GPATCH2: variants seen among roughly 807,000 people sequenced by gnomAD.
GPATCH2 encodes the protein G-patch domain containing 2.
GPATCH2 carries 51 observed loss-of-function variants against 58.0 expected under a neutral mutation model. The observed-to-expected ratio is 0.88, with a 90% confidence interval of 0.70 to 1.11. GPATCH2 has a LOEUF of 1.11. GPATCH2 is among the 50% of genes most tolerant of loss of function. The probability of loss-of-function intolerance (pLI) is 0.00; values close to 1 mark genes in which losing one functional copy is unlikely to be tolerated. For synonymous variants in GPATCH2, 222 were observed against 218.5 expected, an observed-to-expected ratio of 1.02 and a Z score of -0.14; for missense variants, 625 against 652.2, an observed-to-expected ratio of 0.96 and a Z score of 0.45.
chr1:217,461,986 C>T (rs1475740258), intron 8 of GPATCH2, among the ~76,000 whole-genome samples: 4 of 152,120 alleles, frequency 2.6e-5, no homozygotes, highest in African/African-American at 9.7e-5. Context: ...AGTACGTGAA[C>T]ATTAATGTTC....
chr1:217,568,170 T>C (rs73105652), intron 5 of GPATCH2, among the ~76,000 whole-genome samples: 5,098 of 152,180 alleles, frequency 0.033, 283 homozygotes, highest in African/African-American at 0.11. Context: ...TATAACAGTA[T>C]AAAAGTGAAA....
intron 5 of GPATCH2, among the ~76,000 whole-genome samples, chr1:217,537,149 C>G (rs1194949906): frequency 6.6e-6 from 1 of 152,192 alleles, no homozygotes; most frequent in Non-Finnish European, 1.5e-5. Context: ...CATTTTCATA[C>G]AGATTAGAAA....
chr1:217,599,947 TC>T lies in GPATCH2; in HGVS notation c.1098+10373del, dbSNP rs201360941. On this transcript the variant is annotated intron_variant, in intron 5 of 9. Transcript: ENST00000366935. ...AAGAACAGTTTCTAGATTGAATACT[TC>T]AAAATCGATTCAAATCTAAAACACC... is the stretch of plus-strand genomic sequence containing the variant. Among the ~76,000 whole-genome samples the T allele has an allele frequency of 8.8e-3, 1,340 of 152,244 alleles. 4 individuals carry two copies. Among genetic ancestry groups the T allele is most frequent in the Non-Finnish European group, 0.014 (954 of 67,994 alleles).
intron 2 of GPATCH2, among the ~76,000 whole-genome samples, chr1:217,617,296 C>T (rs548777203): frequency 6.6e-6 from 1 of 152,202 alleles, no homozygotes; most frequent in African/African-American, 2.4e-5. Flanking sequence ...TGCCATTTCC[C>T]TCTCTTCTCT....
intron 8 of GPATCH2, among the ~76,000 whole-genome samples, chr1:217,486,260 A>G (rs1485229792): frequency 6.6e-6 from 1 of 152,136 alleles, no homozygotes; most frequent in African/African-American, 2.4e-5. Flanking sequence ...ATATCTTCCT[A>G]TATCTATTTT....
chr1:217,530,840 G>A (rs1664150666), intron 5 of GPATCH2, among the ~76,000 whole-genome samples: 1 of 152,086 alleles, frequency 6.6e-6, no homozygotes, highest in Non-Finnish European at 1.5e-5. Flanking sequence ...TTTTCAATTA[G>A]TGTAAAGGTC....
intron 5 of GPATCH2, among the ~76,000 whole-genome samples, chr1:217,574,175 AAG>A (rs1666699533): frequency 3.3e-5 from 5 of 152,346 alleles, no homozygotes. Flanking sequence ...ATAGAAAAAT[AAG>A]AGAAATACAG....
At chr1:217,610,822 C>T in intron 4 of GPATCH2, 67 bp downstream of exon 4, 1 of 1,097,442 alleles carries the variant, frequency 9.1e-7, no homozygotes, top group Non-Finnish European at 1.3e-6. Flanking sequence ...ATCTTATCCT[C>T]CTTGAATGAA....
At chr1:217,449,372 G>A (rs1162099881) in intron 8 of GPATCH2, 35 bp from the exon 9 acceptor site, 3 of 1,279,292 alleles carry the variant, frequency 2.3e-6, no homozygotes, top group African/African-American at 1.5e-5. Flanking sequence ...TATTAACAAA[G>A]AAGAAAAAAT....
chr1:217,524,824 T>C (rs1296078020), intron 5 of GPATCH2, among the ~76,000 whole-genome samples: 1 of 104,136 alleles, frequency 9.6e-6, no homozygotes, highest in Non-Finnish European at 2.0e-5. Context: ...CAGTCCAGCT[T>C]CGGCTTGGCA....
chr1:217,478,366 A>C (rs1661058865), intron 8 of GPATCH2, among the ~76,000 whole-genome samples: 1 of 152,204 alleles, frequency 6.6e-6, no homozygotes, highest in Non-Finnish European at 1.5e-5. Context: ...TATTTTGAGG[A>C]AACTCAAAGA....
At chr1:217,522,741 G>A (rs1261970107) in intron 5 of GPATCH2, among the ~76,000 whole-genome samples, 1 of 151,760 alleles carries the variant, frequency 6.6e-6, no homozygotes, top group East Asian at 1.9e-4. Flanking sequence ...TATATACCAT[G>A]ATAATCTAAA....
intron 5 of GPATCH2, among the ~76,000 whole-genome samples, chr1:217,577,731 T>C (rs972777192): frequency 6.6e-6 from 1 of 151,018 alleles, no homozygotes; most frequent in South Asian, 2.1e-4. Context: ...TAAAATCTGG[T>C]TTTACTTATT....
intron 6 of GPATCH2, among the ~76,000 whole-genome samples, chr1:217,505,193 T>A (rs1298502825): frequency 1.3e-5 from 2 of 152,176 alleles, no homozygotes; most frequent in South Asian, 4.1e-4. Context: ...GTTCTCCCCC[T>A]AGGACATAGA....
intron 5 of GPATCH2, among the ~76,000 whole-genome samples, chr1:217,553,068 C>T (rs1340709483): frequency 2.0e-5 from 3 of 151,976 alleles, no homozygotes; most frequent in African/African-American, 7.3e-5. Flanking sequence ...TTAACAAGTT[C>T]ATTTTTCTTA....
At chr1:217,527,817 C>CA (rs1221450470) in intron 5 of GPATCH2, among the ~76,000 whole-genome samples, 1 of 152,330 alleles carries the variant, frequency 6.6e-6, no homozygotes. Flanking sequence ...ATATGTCCAG[C>CA]ACTCAGGTGC....
intron 5 of GPATCH2, among the ~76,000 whole-genome samples, chr1:217,533,535 C>T (rs940414222): frequency 9.9e-5 from 15 of 152,172 alleles, no homozygotes; most frequent in African/African-American, 3.4e-4. Context: ...TGCCACATGC[C>T]GTGGTCATCC....
intron 9 of GPATCH2, among the ~76,000 whole-genome samples, chr1:217,441,220 A>G (rs1411957061): frequency 6.6e-6 from 1 of 152,182 alleles, no homozygotes; most frequent in Non-Finnish European, 1.5e-5. Context: ...CAACCATCTG[A>G]TCTTTGACAA....
chr1:217,445,660 T>A (rs1034838826), intron 9 of GPATCH2, among the ~76,000 whole-genome samples: 3 of 152,070 alleles, frequency 2.0e-5, no homozygotes, highest in Non-Finnish European at 4.4e-5. Flanking sequence ...AAAATCAATA[T>A]CTAACCTTAT....
Sources: gnomAD v4.1 joint callset for allele counts (sites outside exome capture counted in the v4.1 genomes callset) on GRCh38, gnomAD v4.1.1 for gene constraint, MANE v1.5 for transcripts, NCBI Gene and HGNC (gene_info 2026-07-23, HGNC 2026-07-21) for gene names.